Variants in TTC23L observed in about 807,000 individuals in gnomAD.
The protein encoded by TTC23L is tetratricopeptide repeat domain 23 like, also known as tetratricopeptide repeat protein 23-like.
A neutral mutation model predicts 48.1 loss-of-function variants in TTC23L; 42 were observed. The observed-to-expected ratio is 0.87, with a 90% CI of 0.68 to 1.13. The LOEUF (loss-of-function observed/expected upper bound fraction) is 1.13. TTC23L is among the 50% of genes most tolerant of loss of function. The probability of loss-of-function intolerance (pLI) is 0.00; values close to 1 mark genes in which losing one functional copy is unlikely to be tolerated. For missense variants in TTC23L, 391 were observed against 421.0 expected (o/e 0.93, Z 0.62); for synonymous variants, 159 against 157.2 (o/e 1.01, Z -0.09).
intron 9 of TTC23L, among the ~76,000 whole-genome samples, chr5:34,882,053 C>T (rs188870786): frequency 8.1e-4 from 124 of 152,264 alleles, no homozygotes; most frequent in Non-Finnish European, 1.4e-3. Flanking sequence ...AGCACCCGGC[C>T]GGTTCAGAAG....
At chr5:34,899,706 C>T (rs1404713161), downstream of TTC23L, among the ~76,000 whole-genome samples, 2 of 152,014 alleles carry the variant, frequency 1.3e-5, no homozygotes, top group Non-Finnish European at 2.9e-5. Flanking sequence ...CTGGTCAACA[C>T]GGTGAAACCC....
intron 6 of TTC23L, among the ~76,000 whole-genome samples, chr5:34,865,097 C>G (rs1760955340): frequency 6.6e-6 from 1 of 152,192 alleles, no homozygotes; most frequent in Non-Finnish European, 1.5e-5. Flanking sequence ...TAAGCCAGAA[C>G]AAGATTTAAC....
chr5:34,919,652 A>G, the TTC23L span, among the ~76,000 whole-genome samples: 3 of 152,186 alleles, frequency 2.0e-5, no homozygotes, highest in African/African-American at 7.2e-5. Flanking sequence ...TATTTTCTTT[A>G]CATTTACAAA....
At chr5:34,918,592 C>T in the TTC23L span, 41 of 533,796 alleles carry the variant, frequency 7.7e-5, no homozygotes, top group Non-Finnish European at 1.1e-4. Flanking sequence ...AAACACAATG[C>T]CTTTTATCCT....
intron 7 of TTC23L, chr5:34,867,796 A>C (rs1761182521): frequency 6.6e-6 from 1 of 152,332 alleles, no homozygotes; most frequent in African/African-American, 2.4e-5. Flanking sequence ...ACTCTGAAGA[A>C]AAGGCATTGC....
chr5:34,850,419 C>A (rs964114213), intron 4 of TTC23L, 111 bp downstream of exon 4: 1 of 1,330,966 alleles, frequency 7.5e-7, no homozygotes. Context: ...TTGCCCCTAG[C>A]TCACACATTA....
At chr5:34,882,724 C>T (rs376827317) in intron 9 of TTC23L, among the ~76,000 whole-genome samples, 11 of 152,060 alleles carry the variant, frequency 7.2e-5, no homozygotes, top group African/African-American at 2.7e-4. Flanking sequence ...TCTGGAACCA[C>T]CTTCTTCCAG....
chr5:34,888,584 T>C (rs1192791526), intron 9 of TTC23L: 41 of 918,444 alleles, frequency 4.5e-5, no homozygotes, highest in Non-Finnish European at 5.3e-5. Context: ...TGTGGATATA[T>C]GCATGGCATG....
chr5:34,907,624 CAAGA>C, the TTC23L span: 5 of 152,150 alleles, frequency 3.3e-5, no homozygotes, highest in Non-Finnish European at 5.9e-5. Context: ...CTTGATTTGT[CAAGA>C]AACTCATAAG....
chr5:34,870,746 C>A (rs1416976733), intron 8 of TTC23L, among the ~76,000 whole-genome samples: 2 of 151,988 alleles, frequency 1.3e-5, no homozygotes, highest in Non-Finnish European at 2.9e-5. Flanking sequence ...CAAGTGAGAT[C>A]CAGTGTGTTT....
the TTC23L span, chr5:34,915,817 G>A: frequency 2.0e-5 from 31 of 1,578,190 alleles, no homozygotes; most frequent in African/African-American, 4.1e-5. Context: ...AATAGATGCG[G>A]AGCCGCCAGC....
Position 34,846,705 on chromosome 5 carries a change from G to A in TTC23L, c.255+1032G>A, listed in dbSNP as rs898037469. ...TGTGTGTGTGTGTGTGTGTGTGTGT[G>A]TGTATCCATCCTGGAAGGTTTCAGG... is the stretch of plus-strand genomic sequence containing the variant. On this transcript the variant is annotated intron_variant, in intron 3 of 10. Transcript: ENST00000505624. Among the ~76,000 whole-genome samples, 969 of 128,390 alleles carry A rather than the reference G, an allele frequency of 7.5e-3. 12 individuals are homozygous for A. Among genetic ancestry groups the A allele is most frequent in the African/African-American group, 0.026 (918 of 34,928 alleles). 84.2% of individuals were successfully genotyped at this position (128,390 alleles called of 152,430 possible). A position where few individuals can be genotyped will look rare whatever the true frequency, so the allele number is the denominator to read the frequency against.
chr5:34,846,600 T>TATATATATATATATATATATACAC (rs61009546), intron 3 of TTC23L, among the ~76,000 whole-genome samples: 1 of 92,912 alleles, frequency 1.1e-5, no homozygotes, highest in African/African-American at 5.2e-5. Flanking sequence ...TATATATATA[T>TATATATATATATATATATATACAC]ACACACACAT....
At position 34,860,658 on chromosome 5, in the gene TTC23L, A is replaced by G. The variant is rs1288885388; in HGVS notation, c.380-2240A>G. 2.0e-5 allele frequency: 3 copies of G among 152,164 alleles called. No homozygotes were observed. In the South Asian group the frequency reaches 6.2e-4, roughly 32 times the overall value. 9.4% of individuals were successfully genotyped at this position (152,164 alleles called of 1,614,324 possible). A position where few individuals can be genotyped will look rare whatever the true frequency, so the allele number is the denominator to read the frequency against. ...CTCTCCAGAGTCCATTTTTCTCTTTAGTTGAAACCTATGGAACAGATATTT... is the reference window on the plus strand; with the variant it reads ...CTCTCCAGAGTCCATTTTTCTCTTTGGTTGAAACCTATGGAACAGATATTT... On this transcript the variant is annotated intron_variant, in intron 4 of 10. Transcript: ENST00000505624.
the TTC23L span, chr5:34,921,934 A>C: frequency 3.6e-5 from 6 of 164,412 alleles, no homozygotes; most frequent in East Asian, 1.5e-4. Flanking sequence ...AAAAGGAGGG[A>C]GGTTTCCAGT....
the TTC23L span, chr5:34,918,738 G>C: frequency 3.7e-6 from 1 of 269,738 alleles, no homozygotes; most frequent in East Asian, 7.4e-5. Flanking sequence ...TGCCTTCACT[G>C]TAATGCTTCT....
intron 4 of TTC23L, among the ~76,000 whole-genome samples, chr5:34,859,279 C>T (rs143097929): frequency 3.3e-5 from 5 of 152,328 alleles, no homozygotes; most frequent in Admixed American, 2.0e-4. Context: ...AACACTTTCT[C>T]AGTTTTCTAC....
chr5:34,875,080 CT>C (rs1402628968), intron 8 of TTC23L, among the ~76,000 whole-genome samples: 1 of 152,116 alleles, frequency 6.6e-6, no homozygotes, highest in Non-Finnish European at 1.5e-5. Flanking sequence ...CCAGAACAAA[CT>C]TAGTGCAAGG....
At chr5:34,882,307 C>T (rs1463696733) in intron 9 of TTC23L, among the ~76,000 whole-genome samples, 1 of 152,100 alleles carries the variant, frequency 6.6e-6, no homozygotes, top group Non-Finnish European at 1.5e-5. Flanking sequence ...ACCTGAGTGC[C>T]AGGTGGCTCC....
Sources: gnomAD v4.1 joint callset for allele counts (sites outside exome capture counted in the v4.1 genomes callset) on GRCh38, gnomAD v4.1.1 for gene constraint, MANE v1.5 for transcripts, NCBI Gene and HGNC (gene_info 2026-07-23, HGNC 2026-07-21) for gene names.